NAALADL2: variants seen among roughly 807,000 people sequenced by gnomAD.
NAALADL2 encodes the protein N-acetylated alpha-linked acidic dipeptidase like 2, also known as inactive N-acetylated-alpha-linked acidic dipeptidase-like protein 2.
In NAALADL2, 76 loss-of-function variants were observed where a neutral mutation model predicts 87.2. The observed-to-expected ratio is 0.87, with a 90% CI of 0.72 to 1.05. The LOEUF (loss-of-function observed/expected upper bound fraction) is 1.05, where lower values mean the gene tolerates loss of function less well. Among genes scored for constraint, NAALADL2 ranks in the 50% least tolerant of loss-of-function variants. The probability of loss-of-function intolerance (pLI) is 0.00; values close to 1 mark genes in which losing one functional copy is unlikely to be tolerated. For synonymous variants in NAALADL2, 354 were observed against 331.0 expected (o/e 1.07, Z -0.75); for missense variants, 1,089 against 945.8 (o/e 1.15, Z -1.99).
At chr3:175,053,312 C>T (rs1755662557) in intron 1 of NAALADL2, among the ~76,000 whole-genome samples, 1 of 152,198 alleles carries the variant, frequency 6.6e-6, no homozygotes, top group Non-Finnish European at 1.5e-5. Flanking sequence ...TCACCGCTAT[C>T]ATAGCTACCA....
At chr3:175,143,446 C>A (rs1394460490) in intron 2 of NAALADL2, among the ~76,000 whole-genome samples, 1 of 151,402 alleles carries the variant, frequency 6.6e-6, no homozygotes, top group Non-Finnish European at 1.5e-5. Flanking sequence ...TGCTAACTCT[C>A]CTCTATACCA....
chr3:174,626,215 A>T lies in NAALADL2; in HGVS notation c.-115+75578A>T, dbSNP rs543723527. On this transcript the variant is annotated intron_variant, in intron 2 of 3. Transcript: ENST00000434257. ...AATGAGATTTCGGGTCAAAGGGTAG[A>T]GTTAGTTTTAAATTCAAATATACTG... Among the ~76,000 whole-genome samples, 19 of 151,892 alleles carry T rather than the reference A, an allele frequency of 1.3e-4. No homozygotes were observed. The South Asian group carries it at 3.7e-3, about 30-fold the overall frequency.
chr3:174,894,089 A>G (rs1159451970), intron 1 of NAALADL2, among the ~76,000 whole-genome samples: 2 of 152,186 alleles, frequency 1.3e-5, no homozygotes, highest in African/African-American at 4.8e-5. Flanking sequence ...GACAAAAACT[A>G]TAAGAAGAGG....
intron 1 of NAALADL2, among the ~76,000 whole-genome samples, chr3:175,036,626 C>G (rs1170819880): frequency 2.6e-5 from 4 of 152,028 alleles, no homozygotes; most frequent in Admixed American, 6.6e-5. Flanking sequence ...GTCTCGATCT[C>G]CTGACCTCGT....
At chr3:175,633,721 G>A (rs1728126166) in intron 11 of NAALADL2, among the ~76,000 whole-genome samples, 2 of 151,674 alleles carry the variant, frequency 1.3e-5, no homozygotes, top group South Asian at 2.1e-4. Flanking sequence ...TCCTTTCATT[G>A]CTTTTCTCAT....
intron 11 of NAALADL2, among the ~76,000 whole-genome samples, chr3:175,714,897 A>C (rs561196118): frequency 6.6e-6 from 1 of 152,312 alleles, no homozygotes; most frequent in South Asian, 2.1e-4. Flanking sequence ...TGAATTAAAG[A>C]CTTAAACGTA....
chr3:175,716,023 T>A (rs1226870697), intron 11 of NAALADL2, among the ~76,000 whole-genome samples: 1 of 151,186 alleles, frequency 6.6e-6, no homozygotes, highest in African/African-American at 2.4e-5. Context: ...AGGTGCTGTG[T>A]ATAGAGTCAT....
At chr3:174,475,072 A>G (rs1483177842) in intron 1 of NAALADL2, among the ~76,000 whole-genome samples, 1 of 151,986 alleles carries the variant, frequency 6.6e-6, no homozygotes, top group Non-Finnish European at 1.5e-5. Flanking sequence ...TCTTAGGCAG[A>G]AGAAAATCAT....
intron 1 of NAALADL2, among the ~76,000 whole-genome samples, chr3:175,012,688 A>G (rs1414555051): frequency 6.6e-6 from 1 of 151,984 alleles, no homozygotes; most frequent in Non-Finnish European, 1.5e-5. Context: ...TGCATTTAGT[A>G]TTGTCCATGG....
intron 2 of NAALADL2, among the ~76,000 whole-genome samples, chr3:174,690,510 G>A (rs1319184209): frequency 1.3e-5 from 2 of 152,114 alleles, no homozygotes; most frequent in Non-Finnish European, 2.9e-5. Context: ...CAGCTGATAT[G>A]TGCTTAGGGA....
intron 9 of NAALADL2, among the ~76,000 whole-genome samples, chr3:175,551,314 T>C (rs1714321549): frequency 6.6e-6 from 1 of 152,040 alleles, no homozygotes; most frequent in African/African-American, 2.4e-5. Context: ...AGAGTGTCGG[T>C]GTTGTAGGGA....
intron 1 of NAALADL2, among the ~76,000 whole-genome samples, chr3:174,980,607 AAT>A (rs769419392): frequency 3.3e-5 from 5 of 152,196 alleles, no homozygotes; most frequent in Non-Finnish European, 7.3e-5. Context: ...GTATAATTTT[AAT>A]ATGTGTATCA....
At chr3:174,911,409 CTG>C (rs1344263794) in intron 1 of NAALADL2, among the ~76,000 whole-genome samples, 4 of 152,086 alleles carry the variant, frequency 2.6e-5, no homozygotes, top group East Asian at 3.9e-4. Flanking sequence ...CAAGTAAAAA[CTG>C]TATACAGCAT....
intron 4 of NAALADL2, among the ~76,000 whole-genome samples, chr3:175,278,930 C>T (rs2110068107): frequency 6.6e-6 from 1 of 152,276 alleles, no homozygotes; most frequent in African/African-American, 2.4e-5. Flanking sequence ...TACAATGCAA[C>T]TTCCCTAAAA....
At chr3:175,146,501 A>G (rs1253093557) in intron 2 of NAALADL2, among the ~76,000 whole-genome samples, 1 of 152,180 alleles carries the variant, frequency 6.6e-6, no homozygotes, top group Non-Finnish European at 1.5e-5. Context: ...TAGAGAATGC[A>G]TTAAAAAATT....
intron 3 of NAALADL2, among the ~76,000 whole-genome samples, chr3:174,811,560 C>G (rs1720213966): frequency 6.6e-6 from 1 of 152,186 alleles, no homozygotes. Context: ...TACCCAATGC[C>G]TATACCCCTG....
chr3:175,563,876 C>G (rs1716679245), intron 9 of NAALADL2, among the ~76,000 whole-genome samples: 1 of 152,100 alleles, frequency 6.6e-6, no homozygotes, highest in Admixed American at 6.5e-5. Flanking sequence ...CACAGTGCTC[C>G]TTGAATACAA....
intron 1 of NAALADL2, among the ~76,000 whole-genome samples, chr3:175,007,902 C>A (rs1429295222): frequency 6.6e-6 from 1 of 152,084 alleles, no homozygotes; most frequent in Non-Finnish European, 1.5e-5. Context: ...TACTTGAACT[C>A]AAGCACCGCA....
At chr3:175,404,862 A>G (rs1018322087) in intron 5 of NAALADL2, among the ~76,000 whole-genome samples, 3 of 152,174 alleles carry the variant, frequency 2.0e-5, no homozygotes, top group African/African-American at 7.2e-5. Flanking sequence ...TTCTGGGAAC[A>G]TTATATTTAC....
Sources: allele counts gnomAD v4.1 joint callset (sites outside exome capture counted in the v4.1 genomes callset), GRCh38; gene constraint gnomAD v4.1.1; transcripts MANE v1.5; gene names NCBI Gene and HGNC (gene_info 2026-07-23, HGNC 2026-07-21).